The following PHF21A variants were observed in gnomAD, a reference collection of about 807,000 sequenced individuals.
The protein encoded by PHF21A is BHC80a.
PHF21A carries 11 observed loss-of-function variants against 82.5 expected under a neutral mutation model. The ratio of observed to expected loss-of-function variants is 0.13; its 90% CI spans 0.08 to 0.22. The LOEUF is 0.22. PHF21A is among the 10% of genes least tolerant of loss of function. The pLI is 1.00. For synonymous variants in PHF21A, 297 were observed against 302.8 expected, an observed-to-expected ratio of 0.98 and a Z score of 0.20; for missense variants, 579 against 837.8, an observed-to-expected ratio of 0.69 and a Z score of 3.81.
chr11:46,022,469 A>G (rs544000342), intron 6 of PHF21A, among the ~76,000 whole-genome samples: 2 of 152,136 alleles, frequency 1.3e-5, no homozygotes, highest in East Asian at 1.9e-4. Context: ...AAAAAAAGAA[A>G]AAGAAACAAA....
At chr11:46,065,365 G>C (rs1284758846) in intron 6 of PHF21A, among the ~76,000 whole-genome samples, 4 of 152,180 alleles carry the variant, frequency 2.6e-5, no homozygotes, top group Non-Finnish European at 4.4e-5. Context: ...CCAGGATGTT[G>C]ATGTGTGAAG....
At position 45,932,371 on chromosome 11, in the gene PHF21A, T is replaced by G. The variant is rs1411092105; in HGVS notation, c.*1597A>C. ...CCCTGATACCATCCACGCTTCCATT[T>G]GGGCTTCACAACAGGAGACAAGATC... On this transcript the variant is annotated 3_prime_UTR_variant, in exon 19 of 19. Transcript: ENST00000676320. This position sits in a 1 kb window ranked among gnomAD's most constrained non-coding sequence, Gnocchi z 4.3. 1 of 152,264 alleles carries G rather than the reference T, an allele frequency of 6.6e-6. No homozygotes were observed. Among genetic ancestry groups the G allele is most frequent in the African/African-American group, 2.4e-5 (1 of 41,458 alleles). The allele number at this position is 152,264 out of a possible 1,614,324, so 9.4% of individuals were successfully genotyped here.
chr11:46,049,315 T>C, intron 6 of PHF21A: 1 of 391,578 alleles, frequency 2.6e-6, no homozygotes, highest in African/African-American at 2.1e-5. Context: ...TGAGTCTCCA[T>C]AATTGCTGTA....
intron 6 of PHF21A, among the ~76,000 whole-genome samples, chr11:46,004,701 T>C (rs2095250176): frequency 6.6e-6 from 1 of 152,290 alleles, no homozygotes; most frequent in East Asian, 1.9e-4. Flanking sequence ...ACTTTTACTG[T>C]GGATGAGGGC....
chr11:46,105,787 G>A (rs1238320224), intron 1 of PHF21A, among the ~76,000 whole-genome samples: 1 of 152,116 alleles, frequency 6.6e-6, no homozygotes, highest in Admixed American at 6.5e-5. Flanking sequence ...TCAATTCTTA[G>A]ACTACCTTCT....
chr11:46,084,319 A>G lies in PHF21A; in HGVS notation c.-83-17T>C. The G allele has an allele frequency of 1.3e-6, 1 of 784,424 alleles. No individual in the cohort carries two copies. Among genetic ancestry groups the G allele is most frequent in the Non-Finnish European group, 2.0e-6 (1 of 493,298 alleles). The allele number at this position is 784,424 out of a possible 1,614,324, so 48.6% of individuals were successfully genotyped here. A position where few individuals can be genotyped will look rare whatever the true frequency, so the allele number is the denominator to read the frequency against. ...TCACTGCAGCTGTAAAGATCATAAA[A>G]TGTTTTGGATCATTACATTTGGAAT... On this transcript the variant is annotated splice_polypyrimidine_tract_variant and intron_variant, in intron 3 of 18. Coordinates refer to ENST00000676320, the MANE Select transcript of PHF21A (RefSeq NM_001352027.3).
intron 6 of PHF21A, among the ~76,000 whole-genome samples, chr11:46,007,222 G>C (rs1458365709): frequency 1.3e-5 from 2 of 152,086 alleles, no homozygotes; most frequent in East Asian, 3.8e-4. Flanking sequence ...GATGAGAAAA[G>C]GGCCCCCTGT....
intron 10 of PHF21A, among the ~76,000 whole-genome samples, chr11:45,959,660 T>C (rs2092951758): frequency 1.3e-5 from 2 of 152,142 alleles, no homozygotes; most frequent in African/African-American, 4.8e-5. Context: ...ATAAAACAAA[T>C]ACTAGAGCTA....
chr11:46,086,865 GT>G (rs1423456794), intron 3 of PHF21A, among the ~76,000 whole-genome samples: 1 of 152,120 alleles, frequency 6.6e-6, no homozygotes, highest in Non-Finnish European at 1.5e-5. Context: ...GGCTAATACA[GT>G]TTATATATTT....
chr11:46,091,677 TA>T (rs1213935361), intron 2 of PHF21A, among the ~76,000 whole-genome samples: 3 of 152,200 alleles, frequency 2.0e-5, no homozygotes, highest in Non-Finnish European at 4.4e-5. Context: ...GGCCATCAAA[TA>T]GAACAGCATA....
chr11:46,057,295 G>C (rs540267166), intron 6 of PHF21A, among the ~76,000 whole-genome samples: 1 of 152,120 alleles, frequency 6.6e-6, no homozygotes, highest in Non-Finnish European at 1.5e-5. Flanking sequence ...TTTTATGGGA[G>C]AGAGTTTCCC....
intron 7 of PHF21A, among the ~76,000 whole-genome samples, chr11:45,977,831 TTTC>T (rs577887736): frequency 2.5e-4 from 38 of 152,028 alleles, no homozygotes; most frequent in Middle Eastern, 3.4e-3. Flanking sequence ...TTTTCTTTTT[TTTC>T]TTCTTCTTCT....
chr11:46,049,006 G>A (rs1377015984), intron 6 of PHF21A, among the ~76,000 whole-genome samples: 1 of 152,180 alleles, frequency 6.6e-6, no homozygotes, highest in East Asian at 1.9e-4. Flanking sequence ...TTAACTAGCT[G>A]TCTGTTAGGG....
At chr11:46,095,234 C>T (rs1182580092) in intron 1 of PHF21A, among the ~76,000 whole-genome samples, 1 of 151,794 alleles carries the variant, frequency 6.6e-6, no homozygotes, top group African/African-American at 2.4e-5. Context: ...GAAAACTGAG[C>T]AGCAAAAAGC....
At chr11:46,036,656 G>A (rs1182003826) in intron 6 of PHF21A, among the ~76,000 whole-genome samples, 2 of 152,088 alleles carry the variant, frequency 1.3e-5, no homozygotes, top group African/African-American at 4.8e-5. Context: ...AAGGTTTCTT[G>A]CTTTTCTGAC....
chr11:46,061,409 AT>A (rs2096533466), intron 6 of PHF21A, among the ~76,000 whole-genome samples: 1 of 152,222 alleles, frequency 6.6e-6, no homozygotes. Flanking sequence ...CGTTATTGCC[AT>A]TTTAATGATT....
At chr11:45,955,783 G>C (rs1024860557) in intron 10 of PHF21A, among the ~76,000 whole-genome samples, 1 of 152,224 alleles carries the variant, frequency 6.6e-6, no homozygotes, top group Non-Finnish European at 1.5e-5. Context: ...GAAGCCAGCT[G>C]CCACGTTGTG....
intron 6 of PHF21A, among the ~76,000 whole-genome samples, chr11:46,056,386 T>C (rs529720982): frequency 2.0e-5 from 3 of 152,172 alleles, no homozygotes; most frequent in African/African-American, 7.2e-5. Flanking sequence ...TATGTCTGGG[T>C]TAAATATGGA....
chr11:46,002,047 G>A (rs1308669148), intron 6 of PHF21A, among the ~76,000 whole-genome samples: 1 of 152,140 alleles, frequency 6.6e-6, no homozygotes, highest in Admixed American at 6.5e-5. Flanking sequence ...AGAAAAGAGT[G>A]ACTATTTTTA....
Sources: gnomAD v4.1 joint callset for allele counts (sites outside exome capture counted in the v4.1 genomes callset) on GRCh38, gnomAD v4.1.1 for gene constraint, Gnocchi (gnomAD v3.1) non-coding constraint, MANE v1.5 for transcripts, NCBI Gene and HGNC (gene_info 2026-07-23, HGNC 2026-07-21) for gene names.